The following SLC17A4 variants were observed in gnomAD, a reference collection of about 807,000 sequenced individuals.
The protein encoded by SLC17A4 is solute carrier family 17 member 4, also known as probable small intestine urate exporter.
A neutral mutation model predicts 52.5 loss-of-function variants in SLC17A4; 33 were observed. That is an observed-to-expected ratio of 0.63 (90% CI 0.48 to 0.84). The LOEUF is 0.84. Among genes scored for constraint, SLC17A4 ranks in the 40% least tolerant of loss-of-function variants. The pLI is 0.00. For synonymous variants in SLC17A4, 225 were observed against 216.2 expected, an observed-to-expected ratio of 1.04 and a Z score of -0.36; for missense variants, 585 against 597.1, an observed-to-expected ratio of 0.98 and a Z score of 0.21.
chr6:25,773,581 A>G lies in SLC17A4; in HGVS notation c.894A>G (p.Leu298=), dbSNP rs2275906. ...MIKSLPLWAI[L]VSYFCEYWLF... Reference sequence around the variant, plus strand: ...AATCCTTACCACTCTGGGCCATTTTAGTCTCTTATTTCTGTGAATACTGGC... The same window carrying G: ...AATCCTTACCACTCTGGGCCATTTTGGTCTCTTATTTCTGTGAATACTGGC... Residue 298 remains leucine, a synonymous_variant, in exon 8 of 12, where the codon TTA becomes TTG. Transcript: ENST00000377905. 0.13 allele frequency: 209,029 copies of G among 1,613,770 alleles called. 14,722 individuals are homozygous for G. Among genetic ancestry groups the G allele is most frequent in the South Asian group, 0.19 (16,845 of 91,050 alleles).
chr6:25,777,930 A>G lies in SLC17A4; in HGVS notation c.1273A>G (p.Thr425Ala), dbSNP rs757445429. ...VNFLDIAPRY[T>A]GFLKGLLQVF... is the part of the protein sequence containing the mutation. The stretch of plus-strand genomic sequence containing the variant: ...AGTACCATCTCTCTCTCTCAGGTAC[A>G]CTGGCTTTCTCAAAGGACTATTGCA... Residue 425 changes from threonine to alanine, a missense_variant, in exon 11 of 12, where the codon ACT (threonine) becomes GCT (alanine). By Grantham distance (58) the Thr-to-Ala change is moderately conservative. Coordinates refer to ENST00000377905, the MANE Select transcript of SLC17A4 (RefSeq NM_005495.3). The G allele has an allele frequency of 2.5e-5, 40 of 1,612,512 alleles. No individual in the cohort carries two copies. Among genetic ancestry groups the G allele is most frequent in the Non-Finnish European group, 3.1e-5 (37 of 1,178,960 alleles).
chr6:25,761,175 T>C (rs1761497222), intron 1 of SLC17A4, among the ~76,000 whole-genome samples: 1 of 152,212 alleles, frequency 6.6e-6, no homozygotes, highest in South Asian at 2.1e-4. Context: ...AGATATGAAC[T>C]TTCACAATTT....
rs1312598875 is a variant in SLC17A4, at chr6:25,769,172, A to G, written c.279A>G (p.Leu93=). 1.9e-6 allele frequency: 3 copies of G among 1,613,922 alleles called. No individual in the cohort carries two copies. The highest frequency in any genetic ancestry group is 2.5e-6 in the Non-Finnish European group (3 of 1,179,842). ...TDSQGYWNET[L]KEFKAMAPAY... ...CCCAGGGCTACTGGAATGAAACTCT[A>G]AAAGAATTTAAAGCAATGGTAAGTT... is the stretch of plus-strand genomic sequence containing the variant. The change falls in exon 3 of 12, where the codon CTA becomes CTG. Residue 93 remains leucine (L), a synonymous_variant. Transcript: ENST00000377905.
intron 11 of SLC17A4, 143 bp from the exon 12 acceptor site, chr6:25,778,911 G>T: frequency 5.0e-6 from 5 of 994,218 alleles, no homozygotes. Flanking sequence ...ATGTACTTGA[G>T]TATTCTAGGA....
At chr6:25,755,460 T>C (rs1760934147) in intron 1 of SLC17A4, among the ~76,000 whole-genome samples, 1 of 152,180 alleles carries the variant, frequency 6.6e-6, no homozygotes, top group Non-Finnish European at 1.5e-5. Context: ...GAGCTGTTAA[T>C]AGCTCTGCCC....
At chr6:25,776,192 A>T (rs760591318) in intron 8 of SLC17A4, among the ~76,000 whole-genome samples, 8 of 152,188 alleles carry the variant, frequency 5.3e-5, no homozygotes, top group Non-Finnish European at 1.2e-4. Context: ...ATGAAAAATA[A>T]TATCTCACCA....
Position 25,776,628 on chromosome 6 carries a change from G to T in SLC17A4, c.1021G>T (p.Gly341Ter), listed in dbSNP as rs1308722763. 1 of 1,612,688 alleles carries T rather than the reference G, an allele frequency of 6.2e-7. No homozygotes were observed. The highest frequency in any genetic ancestry group is 8.5e-7 in the Non-Finnish European group (1 of 1,179,304). ...GILSALPFVV[G>*]CICIILGGLL... ...CCTGTCTGCCTTGCCGTTTGTTGTT[G>T]GATGTATCTGCATTATCCTTGGAGG... The change falls in exon 9 of 12, where the codon GGA becomes TGA. Residue 341 changes from glycine to a stop codon, truncating the protein, a stop_gained. Transcript: ENST00000377905. LOFTEE classifies it high-confidence loss of function.
intron 1 of SLC17A4, among the ~76,000 whole-genome samples, chr6:25,759,477 C>A (rs1761339300): frequency 6.6e-6 from 1 of 152,136 alleles, no homozygotes. Context: ...AACTTAAGAG[C>A]TCCAGTGTTA....
At chr6:25,778,728 C>A (rs1216665221) in intron 11 of SLC17A4, among the ~76,000 whole-genome samples, 1 of 152,106 alleles carries the variant, frequency 6.6e-6, no homozygotes. Flanking sequence ...GAATAAAGCA[C>A]AAGGGGTGGA....
chr6:25,756,785 A>T (rs1288312629), intron 1 of SLC17A4, among the ~76,000 whole-genome samples: 3 of 152,196 alleles, frequency 2.0e-5, no homozygotes, highest in Admixed American at 1.3e-4. Flanking sequence ...TTGATTCAAT[A>T]AATATTTACT....
intron 1 of SLC17A4, among the ~76,000 whole-genome samples, chr6:25,755,867 A>G (rs1760972881): frequency 6.6e-6 from 1 of 152,084 alleles, no homozygotes; most frequent in South Asian, 2.1e-4. Context: ...GTGCAACACT[A>G]TTCACTCATT....
rs187510335 is a variant in SLC17A4, at chr6:25,767,455, C to T, written c.92-1530C>T. ...TCTGTTATTAATCTCATTTTTCAGG[C>T]AAAATTTGGGGGCCACAGAGAGCTC... is the stretch of plus-strand genomic sequence containing the variant. On this transcript the variant is annotated intron_variant, in intron 2 of 11. Coordinates refer to ENST00000377905, the MANE Select transcript of SLC17A4 (RefSeq NM_005495.3). Among the ~76,000 whole-genome samples the T allele has an allele frequency of 5.4e-4, 82 of 152,142 alleles. No individual in the cohort carries two copies. The East Asian group carries it at 0.011, about 20-fold the overall frequency.
chr6:25,756,311 G>C (rs534700133), intron 1 of SLC17A4, among the ~76,000 whole-genome samples: 1 of 152,246 alleles, frequency 6.6e-6, no homozygotes, highest in East Asian at 1.9e-4. Flanking sequence ...GCCTGGAATT[G>C]TTCTTGCTCA....
rs545026310 is a variant in SLC17A4, at chr6:25,773,320, A to G, written c.752A>G (p.Tyr251Cys). The change falls in exon 7 of 12, where the codon TAT becomes TGT. Residue 251 changes from tyrosine to cysteine, a missense_variant. Tyr to Cys is a radical substitution (Grantham distance 194, BLOSUM62 -2). Transcript: ENST00000377905. ...ACCPLWFPLI[Y>C]DDPVNHPFIS... Reference sequence around the variant, plus strand: ...TGTCCTCTCTGGTTTCCTCTCATTTATGATGATCCTGTGAATCATCCCTTT... The same window carrying G: ...TGTCCTCTCTGGTTTCCTCTCATTTGTGATGATCCTGTGAATCATCCCTTT... 56 of 1,613,972 alleles carry G rather than the reference A, an allele frequency of 3.5e-5. 1 individual carries two copies. In the South Asian group the frequency reaches 4.9e-4, roughly 14 times the overall value.
In SLC17A4 at chr6:25,770,967, C is replaced by G. The variant is rs1052892315; in HGVS notation, c.661C>G (p.Leu221Val). 2 of 1,613,940 alleles carry G rather than the reference C, an allele frequency of 1.2e-6. No homozygotes were observed. The highest frequency in any genetic ancestry group is 2.7e-5 in the African/African-American group (2 of 75,016). The change falls in exon 6 of 12, where the codon CTC becomes GTC. Residue 221 changes from leucine to valine, a missense_variant. Coordinates refer to ENST00000377905, the MANE Select transcript of SLC17A4 (RefSeq NM_005495.3). ...GSFIVLLAGG[L>V]LCQTIGWPYV... ...CTTCATTGTTCTACTTGCTGGTGGT[C>G]TCCTCTGCCAGACCATAGGATGGCC...
chr6:25,757,575 T>C (rs1173743095), intron 1 of SLC17A4, among the ~76,000 whole-genome samples: 4 of 152,120 alleles, frequency 2.6e-5, no homozygotes, highest in African/African-American at 7.2e-5. Context: ...TGCTCCAGTT[T>C]GGGCCTGGGG....
At chr6:25,762,114 G>A (rs767396195) in intron 2 of SLC17A4, 61 bp downstream of exon 2, 9 of 1,450,946 alleles carry the variant, frequency 6.2e-6, no homozygotes, top group Non-Finnish European at 8.6e-6. Context: ...ACTGTAACTT[G>A]TGGTACTAAA....
intron 6 of SLC17A4, 58 bp downstream of exon 6, chr6:25,771,070 A>G: frequency 2.2e-6 from 3 of 1,391,138 alleles, no homozygotes; most frequent in Non-Finnish European, 3.1e-6. Flanking sequence ...GATGCAATTT[A>G]TCTATGGTTA....
chr6:25,772,825 A>C (rs148120862), intron 6 of SLC17A4, among the ~76,000 whole-genome samples: 14 of 152,272 alleles, frequency 9.2e-5, no homozygotes. Flanking sequence ...ACTAACTTGT[A>C]AGGGTGCTAT....
Sources: allele counts gnomAD v4.1 joint callset (sites outside exome capture counted in the v4.1 genomes callset), GRCh38; gene constraint gnomAD v4.1.1; transcripts MANE v1.5; gene names NCBI Gene and HGNC (gene_info 2026-07-23, HGNC 2026-07-21).